SAT2: variants seen among roughly 807,000 people sequenced by gnomAD.
The protein encoded by SAT2 is spermidine/spermine N1-acetyltransferase family member 2, also known as thialysine N-epsilon-acetyltransferase.
A neutral mutation model predicts 24.8 loss-of-function variants in SAT2; 19 were observed. The ratio of observed to expected loss-of-function variants is 0.77; its 90% CI spans 0.53 to 1.12. The LOEUF (loss-of-function observed/expected upper bound fraction) is 1.12. Among genes scored for constraint, SAT2 ranks in the 50% most tolerant of loss-of-function variants. The pLI is 0.00. For missense variants in SAT2, 190 were observed against 210.7 expected (o/e 0.90, Z 0.61); for synonymous variants, 77 against 77.4 (o/e 0.99, Z 0.03).
At chr17:7,626,880 G>A (rs563291089) in intron 4 of SAT2, 63 bp downstream of exon 4, 59 of 1,602,836 alleles carry the variant, frequency 3.7e-5, no homozygotes, top group Middle Eastern at 3.3e-4. Context: ...CTGGGGACAG[G>A]GGATAACAGT....
At position 7,627,545 on chromosome 17, in the gene SAT2, C is replaced by CG; in HGVS notation, c.66+24dup. The stretch of plus-strand genomic sequence containing the variant: ...GCTCTGGCCGCGCCACTCTGACCCC[C>CG]GGGTTACCGGCCTGCAGTCTTCACC... On this transcript the variant is annotated intron_variant, in intron 1 of 5. Transcript: ENST00000269298. This position sits in a 1 kb window ranked among gnomAD's most constrained non-coding sequence, Gnocchi z 4.8. 1 of 1,606,884 alleles carries CG rather than the reference C, an allele frequency of 6.2e-7. No homozygotes were observed. Among genetic ancestry groups the CG allele is most frequent in the Non-Finnish European group, 8.5e-7 (1 of 1,175,422 alleles).
Position 7,627,059 on chromosome 17 carries a change from A to C in SAT2, c.203-15T>G. 1 of 1,613,306 alleles carries C rather than the reference A, an allele frequency of 6.2e-7. No homozygotes were observed. Among genetic ancestry groups the C allele is most frequent in the Non-Finnish European group, 8.5e-7 (1 of 1,179,332 alleles). On this transcript the variant is annotated splice_polypyrimidine_tract_variant and intron_variant, in intron 3 of 5. Coordinates refer to ENST00000269298, the MANE Select transcript of SAT2 (RefSeq NM_133491.5). This position sits in a 1 kb window ranked among gnomAD's most constrained non-coding sequence, Gnocchi z 4.8. Reference sequence around the variant, plus strand: ...CACGCAGGGCCCTGAGAGAGAGAAAAGGGGAGTAAGGCTTCTGGAAGCCTG... The same window carrying C: ...CACGCAGGGCCCTGAGAGAGAGAAACGGGGAGTAAGGCTTCTGGAAGCCTG...
In SAT2 at chr17:7,627,715, G is replaced by A; in HGVS notation, c.-80C>T. 6.7e-7 allele frequency: 1 copy of A among 1,495,786 alleles called. No individual in the cohort carries two copies. Among genetic ancestry groups the A allele is most frequent in the Non-Finnish European group, 9.3e-7 (1 of 1,073,904 alleles). 92.7% of individuals were successfully genotyped at this position (1,495,786 alleles called of 1,614,324 possible). On this transcript the variant is annotated 5_prime_UTR_variant, in exon 1 of 6. Coordinates refer to ENST00000269298, the MANE Select transcript of SAT2 (RefSeq NM_133491.5). This position sits in a 1 kb window ranked among gnomAD's most constrained non-coding sequence, Gnocchi z 4.8. ...ACCCCTTAAAGGGCCTACGGACTTGGATCCTGAAGAGCCTGAGAGAGCGGG... is the reference window on the plus strand; with the variant it reads ...ACCCCTTAAAGGGCCTACGGACTTGAATCCTGAAGAGCCTGAGAGAGCGGG...
At position 7,626,352 on chromosome 17, in the gene SAT2, G is replaced by T; in HGVS notation, c.*95C>A. 1 of 1,380,924 alleles carries T rather than the reference G, an allele frequency of 7.2e-7. No homozygotes were observed. The highest frequency in any genetic ancestry group is 1.0e-6 in the Non-Finnish European group (1 of 997,448). 85.5% of individuals were successfully genotyped at this position (1,380,924 alleles called of 1,614,324 possible). A position where few individuals can be genotyped will look rare whatever the true frequency, so the allele number is the denominator to read the frequency against. ...CCCTAACCCTCCTTCCTCCAGGGAG[G>T]CCTCAGCATCAGTGTCTGTGGACGT... On this transcript the variant is annotated 3_prime_UTR_variant, in exon 6 of 6. Coordinates refer to ENST00000269298, the MANE Select transcript of SAT2 (RefSeq NM_133491.5).
At position 7,626,528 on chromosome 17, in the gene SAT2, T is replaced by C. The variant is rs1057419183; in HGVS notation, c.432A>G (p.Gly144=). The C allele has an allele frequency of 6.2e-7, 1 of 1,614,192 alleles. No individual in the cohort carries two copies. The highest frequency in any genetic ancestry group is 1.3e-5 in the African/African-American group (1 of 75,046). The change falls in exon 6 of 6, where the codon GGA becomes GGG. Residue 144 remains glycine, a synonymous_variant. Coordinates refer to ENST00000269298, the MANE Select transcript of SAT2 (RefSeq NM_133491.5). ...QRAMDLYKAL[G]AQDLTEAEGW... ...CCTCAGCTTCCGTCAGATCTTGGGCTCCTAGGGCCTTGTACAAGTCCATGG... is the reference window on the plus strand; with the variant it reads ...CCTCAGCTTCCGTCAGATCTTGGGCCCCTAGGGCCTTGTACAAGTCCATGG...
Position 7,627,807 on chromosome 17 carries a change from C to G in SAT2, c.-172G>C, listed in dbSNP as rs1470282874. 2.7e-6 allele frequency: 2 copies of G among 739,612 alleles called. No homozygotes were observed. The highest frequency in any genetic ancestry group is 2.1e-5 in the Admixed American group (1 of 46,952). The allele number at this position is 739,612 out of a possible 1,614,324, so 45.8% of individuals were successfully genotyped here. A position where few individuals can be genotyped will look rare whatever the true frequency, so the allele number is the denominator to read the frequency against. On this transcript the variant is annotated 5_prime_UTR_variant, in exon 1 of 6. Transcript: ENST00000269298. The surrounding 1 kb of genome is among the most constrained non-coding windows in gnomAD (Gnocchi z 4.8). ...GTAAGTGGAGCTGGGATTCCGGCGC[C>G]GTACGGGAGGAGAGAGTAGGCCAGC... is the stretch of plus-strand genomic sequence containing the variant.
rs974849405 is a variant in SAT2 at position 7,627,487 on chromosome 17, G to A, written c.67-73C>T. ...CTCCCCGAGCAGGTTCCCAAGGCGA[G>A]CCCCTCCCCCTGCCCCCGCCTCCTA... is the stretch of plus-strand genomic sequence containing the variant. On this transcript the variant is annotated intron_variant, in intron 1 of 5. Transcript: ENST00000269298. This position sits in a 1 kb window ranked among gnomAD's most constrained non-coding sequence, Gnocchi z 4.8. The A allele has an allele frequency of 1.7e-5, 28 of 1,601,546 alleles. No homozygotes were observed. The highest frequency in any genetic ancestry group is 5.4e-5 in the African/African-American group (4 of 74,592).
chr17:7,627,192 G>T lies in SAT2; in HGVS notation c.153C>A (p.Phe51Leu). 1 of 1,614,144 alleles carries T rather than the reference G, an allele frequency of 6.2e-7. No homozygotes were observed. The highest frequency in any genetic ancestry group is 1.1e-5 in the South Asian group (1 of 91,080). ...LRADGFGDNP[F>L]YHCLVAEILP... is the part of the protein sequence containing the mutation. ...GAATCTCTGCTACCAAACAGTGATA[G>T]AAAGGATTGTCTCCAAAGCCATCTG... Residue 51 changes from phenylalanine (F) to leucine (L), a missense_variant, in exon 3 of 6, where the codon TTC (phenylalanine) becomes TTA (leucine). Transcript: ENST00000269298. The surrounding 1 kb of genome is among the most constrained non-coding windows in gnomAD (Gnocchi z 4.8).
Position 7,626,613 on chromosome 17 carries a change from A to T in SAT2, c.347T>A (p.Val116Glu). Residue 116 changes from valine (V) to glutamate (E), a missense_variant and splice_region_variant, in exon 6 of 6, where the codon GTG becomes GAG. Physicochemically the swap from Val to Glu is moderately radical, Grantham distance 121. Transcript: ENST00000269298. The part of the protein sequence containing the change: ...GSKIIKKVAE[V>E]ALDKGCSQFR... ...TTGGGAGCAGCCCTTATCCAAGGCC[A>T]CCTGTGGGAGAAGACAACACTAACT... 1 of 1,612,192 alleles carries T rather than the reference A, an allele frequency of 6.2e-7. No homozygotes were observed. Among genetic ancestry groups the T allele is most frequent in the Non-Finnish European group, 8.5e-7 (1 of 1,179,140 alleles).
chr17:7,626,721 G>T, intron 5 of SAT2, 32 bp downstream of exon 5: 1 of 1,613,794 alleles, frequency 6.2e-7, no homozygotes, highest in South Asian at 1.1e-5. Context: ...GCTTCTTCAG[G>T]TCCTCACTTG....
At chr17:7,626,901 G>A in intron 4 of SAT2, 42 bp downstream of exon 4, 2 of 1,603,942 alleles carry the variant, frequency 1.2e-6, no homozygotes, top group Middle Eastern at 1.7e-4. Flanking sequence ...GGGGTCTGTG[G>A]GGTGCTTTGC....
Position 7,627,520 on chromosome 17 carries a change from G to T in SAT2, c.66+50C>A. 1 of 1,061,762 alleles carries T rather than the reference G, an allele frequency of 9.4e-7. No homozygotes were observed. Among genetic ancestry groups the T allele is most frequent in the Non-Finnish European group, 1.4e-6 (1 of 704,862 alleles). The allele number at this position is 1,061,762 out of a possible 1,614,324, so 65.8% of individuals were successfully genotyped here. On this transcript the variant is annotated intron_variant, in intron 1 of 5. Transcript: ENST00000269298. The surrounding 1 kb of genome is among the most constrained non-coding windows in gnomAD (Gnocchi z 4.8). ...CCCTGCCCCCGCCTCCTACGACCCC[G>T]CTCTGGCCGCGCCACTCTGACCCCC... is the stretch of plus-strand genomic sequence containing the variant.
Position 7,626,294 on chromosome 17 carries a change from A to T in SAT2, c.*153T>A. 1 of 763,370 alleles carries T rather than the reference A, an allele frequency of 1.3e-6. No homozygotes were observed. Among genetic ancestry groups the T allele is most frequent in the Non-Finnish European group, 2.2e-6 (1 of 456,014 alleles). 47.3% of individuals were successfully genotyped at this position (763,370 alleles called of 1,614,324 possible). A position where few individuals can be genotyped will look rare whatever the true frequency, so the allele number is the denominator to read the frequency against. ...AACAAGGAAGAAAGGTCTCTCCCTC[A>T]ATTCTGCTCTTCCAATACTTGAGGA... On this transcript the variant is annotated 3_prime_UTR_variant, in exon 6 of 6. Transcript: ENST00000269298.
chr17:7,626,887 C>G (rs1002484503), intron 4 of SAT2, 56 bp downstream of exon 4: 3 of 1,602,460 alleles, frequency 1.9e-6, no homozygotes, highest in Admixed American at 1.7e-5. Context: ...CAGGGGATAA[C>G]AGTGGGGTCT....
chr17:7,626,709 T>A (rs1167168531), intron 5 of SAT2, 44 bp downstream of exon 5: 1 of 1,613,722 alleles, frequency 6.2e-7, no homozygotes, highest in Non-Finnish European at 8.5e-7. Context: ...CCATATACCC[T>A]TGCTTCTTCA....
At position 7,627,458 on chromosome 17, in the gene SAT2, G is replaced by C; in HGVS notation, c.67-44C>G. 2 of 1,608,442 alleles carry C rather than the reference G, an allele frequency of 1.2e-6. No individual in the cohort carries two copies. Among genetic ancestry groups the C allele is most frequent in the Non-Finnish European group, 1.7e-6 (2 of 1,175,200 alleles). The stretch of plus-strand genomic sequence containing the variant: ...AGCTAGATTAGAGCAGAAGGGCCCC[G>C]CTGCTCCCCGAGCAGGTTCCCAAGG... On this transcript the variant is annotated intron_variant, in intron 1 of 5. Transcript: ENST00000269298. This position sits in a 1 kb window ranked among gnomAD's most constrained non-coding sequence, Gnocchi z 4.8.
rs767421709 is a variant in SAT2 at position 7,627,540 on chromosome 17, AC to A, written c.66+29del. ...ACCCCGCTCTGGCCGCGCCACTCTG[AC>A]CCCCGGGTTACCGGCCTGCAGTCTT... is the stretch of plus-strand genomic sequence containing the variant. On this transcript the variant is annotated intron_variant, in intron 1 of 5. Transcript: ENST00000269298. This position sits in a 1 kb window ranked among gnomAD's most constrained non-coding sequence, Gnocchi z 4.8. 2 of 1,600,644 alleles carry A rather than the reference AC, an allele frequency of 1.2e-6. No individual in the cohort carries two copies. Among genetic ancestry groups the A allele is most frequent in the East Asian group, 2.2e-5 (1 of 44,750 alleles).
Position 7,627,533 on chromosome 17 carries a change from C to T in SAT2, c.66+37G>A, listed in dbSNP as rs1263676029. The T allele has an allele frequency of 1.9e-6, 3 of 1,604,182 alleles. No individual in the cohort carries two copies. Among genetic ancestry groups the T allele is most frequent in the Admixed American group, 1.7e-5 (1 of 59,572 alleles). On this transcript the variant is annotated intron_variant, in intron 1 of 5. Coordinates refer to ENST00000269298, the MANE Select transcript of SAT2 (RefSeq NM_133491.5). The surrounding 1 kb of genome is among the most constrained non-coding windows in gnomAD (Gnocchi z 4.8). ...TCCTACGACCCCGCTCTGGCCGCGC[C>T]ACTCTGACCCCCGGGTTACCGGCCT...
chr17:7,626,356 C>G lies in SAT2; in HGVS notation c.*91G>C, dbSNP rs1288221192. The G allele has an allele frequency of 6.9e-7, 1 of 1,454,554 alleles. No individual in the cohort carries two copies. Among genetic ancestry groups the G allele is most frequent in the Non-Finnish European group, 9.4e-7 (1 of 1,061,846 alleles). The allele number at this position is 1,454,554 out of a possible 1,614,324, so 90.1% of individuals were successfully genotyped here. A position where few individuals can be genotyped will look rare whatever the true frequency, so the allele number is the denominator to read the frequency against. The stretch of plus-strand genomic sequence containing the variant: ...AACCCTCCTTCCTCCAGGGAGGCCT[C>G]AGCATCAGTGTCTGTGGACGTAGTC... On this transcript the variant is annotated 3_prime_UTR_variant, in exon 6 of 6. Transcript: ENST00000269298.
Sources: allele counts gnomAD v4.1 joint callset, GRCh38; gene constraint gnomAD v4.1.1; non-coding constraint Gnocchi (gnomAD v3.1); transcripts MANE v1.5; gene names NCBI Gene and HGNC (gene_info 2026-07-23, HGNC 2026-07-21).